The following WDPCP variants were observed in gnomAD, a reference collection of about 807,000 sequenced individuals.
The protein encoded by WDPCP is WD repeat-containing and planar cell polarity effector protein fritz homolog.
Under a neutral mutation model 93.1 loss-of-function variants are expected in WDPCP, and 71 were observed. That is an observed-to-expected ratio of 0.76 (90% CI 0.63 to 0.93). WDPCP has a LOEUF of 0.93. WDPCP is among the 40% of genes least tolerant of loss of function. The probability of loss-of-function intolerance (pLI) is 0.00; values close to 1 mark genes in which losing one functional copy is unlikely to be tolerated. For synonymous variants in WDPCP, 315 were observed against 315.0 expected, an observed-to-expected ratio of 1.00 and a Z score of 0.00; for missense variants, 844 against 887.4, an observed-to-expected ratio of 0.95 and a Z score of 0.62.
At chr2:63,804,256 T>TG (rs1052176709) in intron 2 of WDPCP, among the ~76,000 whole-genome samples, 1 of 151,494 alleles carries the variant, frequency 6.6e-6, no homozygotes, top group East Asian at 1.9e-4. Flanking sequence ...TACTCCTTTT[T>TG]TTTTTTTTTT....
intron 14 of WDPCP, chr2:63,233,073 C>T (rs1257691284): frequency 6.5e-6 from 1 of 154,796 alleles, no homozygotes; most frequent in African/African-American, 2.4e-5. Context: ...GCCAAAGGAG[C>T]TAGAATTTGT....
chr2:63,757,121 C>T (rs1669983580), intron 2 of WDPCP, among the ~76,000 whole-genome samples: 1 of 152,076 alleles, frequency 6.6e-6, no homozygotes, highest in African/African-American at 2.4e-5. Context: ...GCATATTTCC[C>T]AATGTCCACT....
chr2:63,390,917 G>T (rs10196392), intron 10 of WDPCP, among the ~76,000 whole-genome samples: 1 of 151,906 alleles, frequency 6.6e-6, no homozygotes, highest in South Asian at 2.1e-4. Context: ...CAACCAAAAA[G>T]TGTCCAGAAC....
At chr2:63,702,878 C>G (rs182810859) in intron 2 of WDPCP, among the ~76,000 whole-genome samples, 16 of 152,200 alleles carry the variant, frequency 1.1e-4, no homozygotes, top group African/African-American at 3.1e-4. Flanking sequence ...CCTCTCCCCC[C>G]ACCCCACAAC....
At chr2:63,621,907 A>C (rs1709741893) in intron 3 of WDPCP, among the ~76,000 whole-genome samples, 1 of 151,612 alleles carries the variant, frequency 6.6e-6, no homozygotes. Flanking sequence ...TTTAAGTTTT[A>C]GGGTACATGT....
chr2:63,269,875 T>G (rs1682481342), intron 13 of WDPCP, among the ~76,000 whole-genome samples: 1 of 152,214 alleles, frequency 6.6e-6, no homozygotes, highest in African/African-American at 2.4e-5. Context: ...ACATTCAAAT[T>G]CATGCTATTT....
intron 2 of WDPCP, among the ~76,000 whole-genome samples, chr2:63,778,795 GA>G (rs1270986580): frequency 2.0e-5 from 3 of 152,080 alleles, no homozygotes; most frequent in Non-Finnish European, 4.4e-5. Context: ...TTGGTTCTGA[GA>G]ATCTCCGCAT....
chr2:63,808,304 C>A (rs1259345195), intron 2 of WDPCP, among the ~76,000 whole-genome samples: 1 of 144,336 alleles, frequency 6.9e-6, no homozygotes, highest in Non-Finnish European at 1.5e-5. Flanking sequence ...CTCCCTCTCC[C>A]TCTCCCCTCT....
intron 13 of WDPCP, among the ~76,000 whole-genome samples, chr2:63,297,898 C>T (rs1416400726): frequency 6.6e-6 from 1 of 152,124 alleles, no homozygotes; most frequent in Admixed American, 6.5e-5. Context: ...GTGGTCTCTA[C>T]AGTAAGAAGA....
At chr2:63,549,777 A>AAAC (rs927135845) in intron 1 of WDPCP, among the ~76,000 whole-genome samples, 71 of 152,184 alleles carry the variant, frequency 4.7e-4, no homozygotes, top group African/African-American at 1.5e-3. Flanking sequence ...AAAAAAACAA[A>AAAC]AACAACAACA....
chr2:63,452,937 T>G (rs1187350565), intron 6 of WDPCP, among the ~76,000 whole-genome samples: 1 of 152,094 alleles, frequency 6.6e-6, no homozygotes, highest in East Asian at 1.9e-4. Context: ...TAAACAAAAA[T>G]TAATTCAAGA....
At chr2:63,188,476 T>C (rs1674799874) in intron 14 of WDPCP, among the ~76,000 whole-genome samples, 1 of 151,876 alleles carries the variant, frequency 6.6e-6, no homozygotes, top group African/African-American at 2.4e-5. Flanking sequence ...TTAGTTCACT[T>C]ATATTTTTCA....
At chr2:63,586,203 C>G (rs755893662) in intron 1 of WDPCP, among the ~76,000 whole-genome samples, 24 of 152,052 alleles carry the variant, frequency 1.6e-4, no homozygotes, top group Non-Finnish European at 2.6e-4. Context: ...TATCAAGAGC[C>G]AACATTCTAT....
chr2:63,748,789 G>T, intron 2 of WDPCP, among the ~76,000 whole-genome samples: 1 of 151,996 alleles, frequency 6.6e-6, no homozygotes, highest in East Asian at 1.9e-4. Flanking sequence ...CGTATATTTT[G>T]TTGTGTTTTT....
At position 63,522,203 on chromosome 2, in the gene WDPCP, G is replaced by C. The variant is rs534955015; in HGVS notation, c.76-29263C>G. On this transcript the variant is annotated intron_variant, in intron 1 of 17. Coordinates refer to ENST00000272321, the MANE Select transcript of WDPCP (RefSeq NM_015910.7). The stretch of plus-strand genomic sequence containing the variant: ...CCTCTAGCCCCCCACCCCCCGGCAG[G>C]TGATGTTCCCCTCCCTGTGTCGATG... 5.3e-5 allele frequency among the ~76,000 whole-genome samples: 8 copies of C among 151,698 alleles called. No homozygotes were observed. The East Asian group carries it at 1.6e-3, about 29-fold the overall frequency.
rs1305320507 is a variant in WDPCP, at chr2:63,575,357, T to C, written c.75+12840A>G. Among the ~76,000 whole-genome samples, 11 of 107,892 alleles carry C rather than the reference T, an allele frequency of 1.0e-4. 1 individual carries two copies. Among genetic ancestry groups the C allele is most frequent in the Non-Finnish European group, 2.2e-4 (11 of 49,694 alleles). 70.8% of individuals were successfully genotyped at this position (107,892 alleles called of 152,430 possible). The stretch of plus-strand genomic sequence containing the variant: ...TATGGTATATACTGTATATGGTATA[T>C]ACAGTATATACAGTATATACAGTAT... On this transcript the variant is annotated intron_variant, in intron 1 of 17. Transcript: ENST00000272321.
chr2:63,554,558 CAGG>C (rs2106375792), intron 1 of WDPCP, among the ~76,000 whole-genome samples: 1 of 152,044 alleles, frequency 6.6e-6, no homozygotes, highest in East Asian at 1.9e-4. Flanking sequence ...GAGGCTGAGG[CAGG>C]AGAATCACTT....
chr2:63,737,864 A>AT (rs1285607301), intron 2 of WDPCP, among the ~76,000 whole-genome samples: 11 of 151,752 alleles, frequency 7.2e-5, no homozygotes, highest in Non-Finnish European at 1.5e-4. Context: ...TGGCCAGATG[A>AT]TTTTTTTTTA....
chr2:63,150,002 T>TA (rs960410535), intron 17 of WDPCP, among the ~76,000 whole-genome samples: 53 of 147,966 alleles, frequency 3.6e-4, no homozygotes, highest in Admixed American at 1.0e-3. Context: ...CTCTTTCTCT[T>TA]AAAAAAAAAA....
Sources: gnomAD v4.1 joint callset for allele counts (sites outside exome capture counted in the v4.1 genomes callset) on GRCh38, gnomAD v4.1.1 for gene constraint, MANE v1.5 for transcripts, NCBI Gene and HGNC (gene_info 2026-07-23, HGNC 2026-07-21) for gene names.